The following FGF14 variants were observed in gnomAD, a reference collection of about 807,000 sequenced individuals.
FGF14 encodes the protein fibroblast growth factor homologous factor 4.
A neutral mutation model predicts 25.5 loss-of-function variants in FGF14; 5 were observed. The ratio of observed to expected loss-of-function variants is 0.20; its 90% CI spans 0.10 to 0.41. FGF14 has a LOEUF of 0.41. FGF14 is among the 10% of genes least tolerant of loss of function. The probability of loss-of-function intolerance (pLI) is 1.00; values close to 1 mark genes in which losing one functional copy is unlikely to be tolerated. For missense variants in FGF14, 222 were observed against 320.1 expected, an observed-to-expected ratio of 0.69 and a Z score of 2.34; for synonymous variants, 138 against 118.3, an observed-to-expected ratio of 1.17 and a Z score of -1.08.
chr13:102,087,407 C>CT (rs71125043), intron 1 of FGF14, among the ~76,000 whole-genome samples: 7,507 of 83,980 alleles, frequency 0.089, 1,021 homozygotes, highest in East Asian at 0.25. Flanking sequence ...ACTGTAATTT[C>CT]TTTTTTTTTT....
chr13:102,325,732 C>G (rs369825314), intron 1 of FGF14, among the ~76,000 whole-genome samples: 2 of 152,186 alleles, frequency 1.3e-5, no homozygotes, highest in East Asian at 1.9e-4. Flanking sequence ...ATGTGCTCTA[C>G]TTATCTACCA....
At chr13:102,017,645 G>C (rs2040417639) in intron 1 of FGF14, among the ~76,000 whole-genome samples, 2 of 152,066 alleles carry the variant, frequency 1.3e-5, no homozygotes, top group African/African-American at 4.8e-5. Flanking sequence ...ACAATCTCAA[G>C]ACTTGAAACT....
At chr13:102,030,867 G>A (rs1483871542) in intron 1 of FGF14, among the ~76,000 whole-genome samples, 11 of 151,994 alleles carry the variant, frequency 7.2e-5, no homozygotes, top group Admixed American at 2.0e-4. Flanking sequence ...TGGTGTAAGC[G>A]AATACTCGGT....
intron 3 of FGF14, among the ~76,000 whole-genome samples, chr13:101,800,941 T>C (rs905152822): frequency 6.6e-6 from 1 of 152,204 alleles, no homozygotes; most frequent in Non-Finnish European, 1.5e-5. Context: ...ATAATGAATC[T>C]GCCTGGAGGA....
intron 1 of FGF14, among the ~76,000 whole-genome samples, chr13:102,174,893 G>A (rs1221027318): frequency 2.6e-5 from 4 of 151,874 alleles, no homozygotes; most frequent in Admixed American, 6.6e-5. Context: ...TAATAAATCT[G>A]TGCATGTACT....
In FGF14 at chr13:102,313,408, T is replaced by C. The variant is rs138772250; in HGVS notation, c.208+88063A>G. ...TCAATCTTGAAAGATAAGCAGGAGT[T>C]GTTTGTTGGAGCCAGGGAAGGGCAC... On this transcript the variant is annotated intron_variant, in intron 1 of 4. Transcript: ENST00000376131. 3.9e-4 allele frequency among the ~76,000 whole-genome samples: 59 copies of C among 152,212 alleles called. 1 individual carries two copies. In the East Asian group the frequency reaches 0.011, roughly 29 times the overall value.
intron 1 of FGF14, among the ~76,000 whole-genome samples, chr13:102,030,855 T>C (rs1033331062): frequency 1.3e-5 from 2 of 152,022 alleles, no homozygotes; most frequent in Admixed American, 1.3e-4. Context: ...CAATGGAAAA[T>C]ATGGTGTAAG....
chr13:101,947,299 A>G (rs2035870143), intron 1 of FGF14, among the ~76,000 whole-genome samples: 1 of 152,212 alleles, frequency 6.6e-6, no homozygotes, highest in African/African-American at 2.4e-5. Flanking sequence ...CTTAAAACAG[A>G]TCTACCATTT....
intron 1 of FGF14, among the ~76,000 whole-genome samples, chr13:101,980,602 C>T (rs552405803): frequency 4.6e-5 from 7 of 152,242 alleles, no homozygotes; most frequent in Non-Finnish European, 1.0e-4. Flanking sequence ...TGCTTGAAAA[C>T]ATCTCTTATG....
rs1177122583 is a variant in FGF14, at chr13:101,738,878, T to C, written c.409-12068A>G. On this transcript the variant is annotated intron_variant, in intron 3 of 4. Coordinates refer to ENST00000376143, the MANE Select transcript of FGF14 (RefSeq NM_004115.4). The stretch of plus-strand genomic sequence containing the variant: ...ATATATACCCACACACACACACACA[T>C]ACACCAATTGCAGTGTGTGTGTATA... Among the ~76,000 whole-genome samples the C allele has an allele frequency of 2.0e-5, 3 of 150,552 alleles. No individual in the cohort carries two copies. In the Admixed American group the frequency reaches 2.0e-4, roughly 10 times the overall value.
rs1416936950 is a variant in FGF14 at position 101,719,697 on chromosome 13, T to C, written c.*3134A>G. The C allele has an allele frequency of 6.6e-6, 1 of 152,066 alleles. No individual in the cohort carries two copies. Among genetic ancestry groups the C allele is most frequent in the Non-Finnish European group, 1.5e-5 (1 of 68,008 alleles). The allele number at this position is 152,066 out of a possible 1,614,324, so 9.4% of individuals were successfully genotyped here. On this transcript the variant is annotated 3_prime_UTR_variant, in exon 5 of 5. Transcript: ENST00000376143. ...AGAAATAACCCTCCCACACCAGATA[T>C]GCATGCAGAAGGAATGGAGTATTAT...
At chr13:101,963,155 A>C (rs536819069) in intron 1 of FGF14, among the ~76,000 whole-genome samples, 7 of 152,376 alleles carry the variant, frequency 4.6e-5, no homozygotes, top group African/African-American at 1.7e-4. Context: ...CAAATACTTA[A>C]GGAGAGAATG....
At chr13:101,794,322 AGGAAAAC>A (rs2140104334) in intron 3 of FGF14, among the ~76,000 whole-genome samples, 1 of 152,160 alleles carries the variant, frequency 6.6e-6, no homozygotes, top group East Asian at 1.9e-4. Context: ...AATCTACCAA[AGGAAAAC>A]ATCTGATTTG....
At chr13:102,306,469 A>C (rs553005630) in intron 1 of FGF14, among the ~76,000 whole-genome samples, 5 of 152,314 alleles carry the variant, frequency 3.3e-5, no homozygotes, top group Non-Finnish European at 5.9e-5. Flanking sequence ...GGTACTAAAC[A>C]GGCTGAACAG....
chr13:102,101,570 C>T (rs2044663719), intron 1 of FGF14, among the ~76,000 whole-genome samples: 1 of 152,142 alleles, frequency 6.6e-6, no homozygotes, highest in African/African-American at 2.4e-5. Context: ...CATTCTTTAT[C>T]TCAAATACAC....
chr13:102,087,575 C>CTTTT (rs1166446102), intron 1 of FGF14, among the ~76,000 whole-genome samples: 20 of 79,858 alleles, frequency 2.5e-4, no homozygotes, highest in Non-Finnish European at 3.9e-4. Context: ...CCATGCCTGG[C>CTTTT]TTTTTTTTTT....
chr13:102,232,074 A>G (rs1037197382), intron 1 of FGF14, among the ~76,000 whole-genome samples: 1 of 152,216 alleles, frequency 6.6e-6, no homozygotes, highest in African/African-American at 2.4e-5. Flanking sequence ...TTGTTTTGCT[A>G]ATCAATAGAA....
chr13:102,357,537 AGACT>A (rs2057453560), intron 1 of FGF14, among the ~76,000 whole-genome samples: 1 of 152,256 alleles, frequency 6.6e-6, no homozygotes, highest in Non-Finnish European at 1.5e-5. Flanking sequence ...TTCTGCAGTC[AGACT>A]GTCTAAATTT....
At chr13:101,723,393 A>G (rs1261891249) in intron 4 of FGF14, among the ~76,000 whole-genome samples, 1 of 152,056 alleles carries the variant, frequency 6.6e-6, no homozygotes, top group African/African-American at 2.4e-5. Context: ...ATTCACTTCA[A>G]TCAATCTTTG....
Sources: gnomAD v4.1 joint callset for allele counts (sites outside exome capture counted in the v4.1 genomes callset) on GRCh38, gnomAD v4.1.1 for gene constraint, MANE v1.5 for transcripts, NCBI Gene and HGNC (gene_info 2026-07-23, HGNC 2026-07-21) for gene names.